SSH1: variants seen among roughly 807,000 people sequenced by gnomAD.
SSH1 encodes slingshot protein phosphatase 1.
In SSH1, 43 loss-of-function variants were observed where a neutral mutation model predicts 79.7. The observed-to-expected ratio is 0.54, with a 90% CI of 0.42 to 0.70. The LOEUF (loss-of-function observed/expected upper bound fraction) is 0.70. Ranked by LOEUF, SSH1 falls within the 30% of genes least tolerant of loss-of-function variation. SSH1 has a pLI of 0.00. For synonymous variants in SSH1, 599 were observed against 538.3 expected (o/e 1.11, Z -1.56); for missense variants, 1,206 against 1,358.8 (o/e 0.89, Z 1.77).
chr12:108,784,068 T>C lies in SSH1; in HGVS notation c.*3920A>G. ...TCTGGCACCAACAATTTCCCACCAATGGAAGGCAACTCCCTCTCCAGATGC... is the reference window on the plus strand; with the variant it reads ...TCTGGCACCAACAATTTCCCACCAACGGAAGGCAACTCCCTCTCCAGATGC... On this transcript the variant is annotated 3_prime_UTR_variant, in exon 15 of 15. Transcript: ENST00000326495. 6.6e-6 allele frequency: 1 copy of C among 152,182 alleles called. No homozygotes were observed. The highest frequency in any genetic ancestry group is 1.5e-5 in the Non-Finnish European group (1 of 68,038). The allele number at this position is 152,182 out of a possible 1,614,324, so 9.4% of individuals were successfully genotyped here. A position where few individuals can be genotyped will look rare whatever the true frequency, so the allele number is the denominator to read the frequency against.
At chr12:108,813,625 A>C (rs2037731443) in intron 5 of SSH1, among the ~76,000 whole-genome samples, 1 of 150,942 alleles carries the variant, frequency 6.6e-6, no homozygotes, top group Admixed American at 6.6e-5. Flanking sequence ...AGGTAGGAGA[A>C]ATGATTGATT....
chr12:108,814,681 G>A (rs2037799615), intron 5 of SSH1, among the ~76,000 whole-genome samples: 1 of 152,212 alleles, frequency 6.6e-6, no homozygotes, highest in African/African-American at 2.4e-5. Context: ...ACCTGCCCTG[G>A]CCTTGGGGTC....
chr12:108,855,859 C>A (rs188961721), intron 1 of SSH1, among the ~76,000 whole-genome samples: 26 of 152,306 alleles, frequency 1.7e-4, no homozygotes, highest in African/African-American at 6.0e-4. Context: ...AATGGCCTCT[C>A]CTCTCCAAGG....
intron 5 of SSH1, among the ~76,000 whole-genome samples, chr12:108,814,370 A>G (rs1358659617): frequency 3.4e-5 from 5 of 146,100 alleles, no homozygotes; most frequent in African/African-American, 1.0e-4. Flanking sequence ...TGGCAGGGGG[A>G]ATAAAAAAAT....
At chr12:108,804,596 G>A (rs147531620) in intron 10 of SSH1, among the ~76,000 whole-genome samples, 6 of 152,214 alleles carry the variant, frequency 3.9e-5, no homozygotes, top group South Asian at 2.1e-4. Context: ...CGGGAGCTCC[G>A]TGTCAGCTGT....
intron 9 of SSH1, among the ~76,000 whole-genome samples, chr12:108,806,096 A>G (rs948152894): frequency 1.3e-5 from 2 of 152,234 alleles, no homozygotes. Flanking sequence ...ATAGCCGATA[A>G]GCGGCAGATC....
intron 5 of SSH1, 127 bp from the exon 6 acceptor site, chr12:108,811,455 G>T: frequency 2.5e-6 from 2 of 811,918 alleles, no homozygotes; most frequent in Non-Finnish European, 4.3e-6. Context: ...GTCTGCATAG[G>T]AACCGTTCAC....
intron 3 of SSH1, among the ~76,000 whole-genome samples, chr12:108,820,908 G>A (rs2038094830): frequency 6.6e-6 from 1 of 152,206 alleles, no homozygotes; most frequent in African/African-American, 2.4e-5. Context: ...AGACCTCAGG[G>A]CACAAGAGTC....
intron 3 of SSH1, among the ~76,000 whole-genome samples, chr12:108,820,239 A>G (rs762592543): frequency 3.3e-5 from 5 of 152,166 alleles, no homozygotes; most frequent in African/African-American, 4.8e-5. Flanking sequence ...TGCCCCTCTT[A>G]TCTGTCCTCT....
At chr12:108,831,328 G>A (rs2038468091) in intron 2 of SSH1, among the ~76,000 whole-genome samples, 1 of 152,224 alleles carries the variant, frequency 6.6e-6, no homozygotes, top group South Asian at 2.1e-4. Context: ...ATGTAATGCT[G>A]TCAGCATAGA....
chr12:108,849,416 G>T (rs1243242230), intron 2 of SSH1, among the ~76,000 whole-genome samples: 1 of 152,080 alleles, frequency 6.6e-6, no homozygotes, highest in East Asian at 1.9e-4. Flanking sequence ...AATTAGCCAG[G>T]TGTGGTGGCG....
intron 7 of SSH1, 128 bp downstream of exon 7, chr12:108,809,565 C>A (rs1020905655): frequency 1.4e-5 from 11 of 770,078 alleles, no homozygotes; most frequent in South Asian, 1.4e-4. Flanking sequence ...CTTTATGTTA[C>A]ATGTATTTTG....
In SSH1 at chr12:108,788,206, A is replaced by T. The variant is rs2136954818; in HGVS notation, c.2932T>A (p.Ser978Thr). 1 of 1,613,634 alleles carries T rather than the reference A, an allele frequency of 6.2e-7. No homozygotes were observed. Residue 978 changes from serine (S) to threonine (T), a missense_variant, in exon 15 of 15, where the codon TCT becomes ACT. Physicochemically the swap from Ser to Thr is moderately conservative, Grantham distance 58 (BLOSUM62 1). Transcript: ENST00000326495. ...GTGAGACTCCCCAGCTTGGCAAGAG[A>T]GTGTGAGCGCTTCAGTGGGGAAGAG... Reference protein sequence around the residue: ...TVSSPLKRSHSLAKLGSLTFS... With the variant: ...TVSSPLKRSHTLAKLGSLTFS...
intron 3 of SSH1, among the ~76,000 whole-genome samples, chr12:108,819,468 T>C (rs908143491): frequency 3.9e-5 from 6 of 152,218 alleles, no homozygotes; most frequent in Non-Finnish European, 8.8e-5. Flanking sequence ...TTGCTTTTTT[T>C]CTCTAGCTTA....
At chr12:108,825,855 T>C (rs1355367575) in intron 2 of SSH1, among the ~76,000 whole-genome samples, 1 of 152,210 alleles carries the variant, frequency 6.6e-6, no homozygotes, top group African/African-American at 2.4e-5. Context: ...CACCTAACCC[T>C]TTCCACCTGC....
rs776165123 is a variant in SSH1, at chr12:108,807,623, C to G, written c.731+10G>C. 10 of 1,611,984 alleles carry G rather than the reference C, an allele frequency of 6.2e-6. No individual in the cohort carries two copies. The African/African-American group carries it at 1.2e-4, about 19-fold the overall frequency. On this transcript the variant is annotated intron_variant, in intron 8 of 14. Coordinates refer to ENST00000326495, the MANE Select transcript of SSH1 (RefSeq NM_018984.4). The surrounding 1 kb of genome is among the most constrained non-coding windows in gnomAD (Gnocchi z 5.2). ...CTTGGGTGCGCTCACACCAGAGGCA[C>G]CTCACTTACTTGTCCACAAATAGCG...
chr12:108,819,114 C>T (rs975337116), intron 3 of SSH1, among the ~76,000 whole-genome samples: 5 of 151,690 alleles, frequency 3.3e-5, no homozygotes, highest in Admixed American at 6.6e-5. Context: ...ACCGGGGGGG[C>T]GGGGGGAAAT....
In SSH1 at chr12:108,802,351, T is replaced by G. The variant is rs1474872122; in HGVS notation, c.972A>C (p.Ala324=). The stretch of plus-strand genomic sequence containing the variant: ...AGCCCTGCAGTTCCTCCAGATTGGA[T>G]GCATTCCATTCAGAGCCCTGGGAGA... ...DHLYLGSEWN[A]SNLEELQGSG... is the part of the protein sequence containing the mutation. Residue 324 remains alanine (A), a synonymous_variant, in exon 11 of 15, where the codon GCA becomes GCC. Transcript: ENST00000326495. 6.2e-7 allele frequency: 1 copy of G among 1,614,124 alleles called. No individual in the cohort carries two copies. The highest frequency in any genetic ancestry group is 1.1e-5 in the South Asian group (1 of 91,080).
chr12:108,846,903 CTT>C (rs766290770), intron 2 of SSH1, among the ~76,000 whole-genome samples: 3 of 146,462 alleles, frequency 2.0e-5, no homozygotes, highest in Admixed American at 6.8e-5. Context: ...AGGCAAGGAA[CTT>C]TTTTTTTTTT....
Sources: gnomAD v4.1 joint callset for allele counts (sites outside exome capture counted in the v4.1 genomes callset) on GRCh38, gnomAD v4.1.1 for gene constraint, Gnocchi (gnomAD v3.1) non-coding constraint, MANE v1.5 for transcripts, NCBI Gene and HGNC (gene_info 2026-07-23, HGNC 2026-07-21) for gene names.